Variants in AHCYL2 observed in about 807,000 individuals in gnomAD.
AHCYL2 encodes the protein adenosylhomocysteinase like 2.
A neutral mutation model predicts 81.4 loss-of-function variants in AHCYL2; 28 were observed. The ratio of observed to expected loss-of-function variants is 0.34; its 90% confidence interval spans 0.25 to 0.47. AHCYL2 has a LOEUF of 0.47. Ranked by LOEUF, AHCYL2 falls within the 20% of genes least tolerant of loss-of-function variation. AHCYL2 has a pLI of 1.00. For synonymous variants in AHCYL2, 272 were observed against 290.2 expected, an observed-to-expected ratio of 0.94 and a Z score of 0.64; for missense variants, 551 against 785.1, an observed-to-expected ratio of 0.70 and a Z score of 3.56.
At chr7:129,274,422 A>T (rs1796125814) in intron 1 of AHCYL2, among the ~76,000 whole-genome samples, 1 of 152,210 alleles carries the variant, frequency 6.6e-6, no homozygotes, top group South Asian at 2.1e-4. Flanking sequence ...AGGTCTTAGA[A>T]GAGGGTGAGT....
At chr7:129,299,386 T>G (rs1433552964) in intron 1 of AHCYL2, among the ~76,000 whole-genome samples, 7 of 44,866 alleles carry the variant, frequency 1.6e-4, no homozygotes, top group South Asian at 9.5e-4. Context: ...TTTTTTTTTT[T>G]TTTTTTTTTT....
At chr7:129,299,375 T>TTTTTTTG (rs1797174498) in intron 1 of AHCYL2, among the ~76,000 whole-genome samples, 1 of 20,104 alleles carries the variant, frequency 5.0e-5, no homozygotes, top group East Asian at 9.3e-4. Context: ...ACTTGTTTTT[T>TTTTTTTG]TTTTTTTTTT....
intron 1 of AHCYL2, among the ~76,000 whole-genome samples, chr7:129,251,807 T>C (rs1795259229): frequency 6.6e-6 from 1 of 152,230 alleles, no homozygotes; most frequent in Admixed American, 6.5e-5. Flanking sequence ...TTATTTCCAG[T>C]TCAAATACGT....
intron 12 of AHCYL2, among the ~76,000 whole-genome samples, chr7:129,414,193 T>C (rs907552263): frequency 3.9e-5 from 6 of 152,194 alleles, no homozygotes; most frequent in Admixed American, 6.5e-5. Flanking sequence ...ATCCCTCTCT[T>C]TTATTGGGCG....
At chr7:129,225,834 G>A (rs752154784) in intron 1 of AHCYL2, among the ~76,000 whole-genome samples, 1 of 152,168 alleles carries the variant, frequency 6.6e-6, no homozygotes, top group African/African-American at 2.4e-5. Flanking sequence ...ACAGCAATAA[G>A]GATGAAAAGA....
rs1375511523 is a variant in AHCYL2, at chr7:129,429,178, G to C, written c.*2133G>C. 18 of 152,172 alleles carry C rather than the reference G, an allele frequency of 1.2e-4. No individual in the cohort carries two copies. The highest frequency in any genetic ancestry group is 1.2e-3 in the Admixed American group (18 of 15,274). 9.4% of individuals were successfully genotyped at this position (152,172 alleles called of 1,614,324 possible). A position where few individuals can be genotyped will look rare whatever the true frequency, so the allele number is the denominator to read the frequency against. On this transcript the variant is annotated 3_prime_UTR_variant, in exon 17 of 17. Coordinates refer to ENST00000325006, the MANE Select transcript of AHCYL2 (RefSeq NM_015328.4). ...CTCCAAATAAAAAAGGGGCCACACG[G>C]GGCTTCTAAGTTAGGTTGCCAGTGT...
intron 5 of AHCYL2, 52 bp from the exon 6 acceptor site, chr7:129,400,238 G>C (rs866617749): frequency 2.0e-5 from 30 of 1,514,578 alleles, no homozygotes; most frequent in Admixed American, 1.2e-4. Context: ...AAAATTAGGG[G>C]GTCAGCCTTT....
chr7:129,241,947 A>G (rs1440725117), intron 1 of AHCYL2, among the ~76,000 whole-genome samples: 1 of 151,950 alleles, frequency 6.6e-6, no homozygotes, highest in Non-Finnish European at 1.5e-5. Flanking sequence ...TCCTTCCCAT[A>G]AGGCCCACAA....
chr7:129,245,966 C>T (rs1795040841), intron 1 of AHCYL2, among the ~76,000 whole-genome samples: 1 of 152,186 alleles, frequency 6.6e-6, no homozygotes, highest in Non-Finnish European at 1.5e-5. Flanking sequence ...ACATTTCTAT[C>T]ATCAGTGTAC....
chr7:129,416,217 T>A (rs544869447), intron 12 of AHCYL2, among the ~76,000 whole-genome samples: 37 of 152,268 alleles, frequency 2.4e-4, no homozygotes, highest in African/African-American at 8.7e-4. Context: ...AGTAACCTCC[T>A]AGGATAAAGA....
In AHCYL2 at chr7:129,352,479, A is replaced by G. The variant is rs545054230; in HGVS notation, c.364-27159A>G. 6.5e-4 allele frequency among the ~76,000 whole-genome samples: 99 copies of G among 152,296 alleles called. 3 individuals carry two copies. In the South Asian group the frequency reaches 0.02, roughly 31 times the overall value. On this transcript the variant is annotated intron_variant, in intron 1 of 16. Coordinates refer to ENST00000325006, the MANE Select transcript of AHCYL2 (RefSeq NM_015328.4). ...AAATGTTTCATATTCTAAATTTAAC[A>G]TGTCCACAATGGAATTTTTTATTTC...
At chr7:129,273,934 C>G (rs962457016) in intron 1 of AHCYL2, among the ~76,000 whole-genome samples, 7 of 152,148 alleles carry the variant, frequency 4.6e-5, no homozygotes, top group African/African-American at 1.7e-4. Flanking sequence ...GATTTCCAAT[C>G]ATCTATAGGC....
intron 1 of AHCYL2, among the ~76,000 whole-genome samples, chr7:129,311,839 A>G (rs1250540054): frequency 6.6e-6 from 1 of 152,188 alleles, no homozygotes; most frequent in Non-Finnish European, 1.5e-5. Flanking sequence ...AACCTATGTC[A>G]GATCATGTCA....
At chr7:129,408,492 T>G (rs1796406973) in intron 10 of AHCYL2, among the ~76,000 whole-genome samples, 1 of 152,148 alleles carries the variant, frequency 6.6e-6, no homozygotes, top group Non-Finnish European at 1.5e-5. Context: ...TTGATCAAGA[T>G]AGAAAATATA....
In AHCYL2 at chr7:129,287,692, G is replaced by C. The variant is rs140947385; in HGVS notation, c.363+62253G>C. Among the ~76,000 whole-genome samples the C allele has an allele frequency of 4.1e-4, 63 of 152,278 alleles. No individual in the cohort carries two copies. In the East Asian group the frequency reaches 0.012, roughly 29 times the overall value. On this transcript the variant is annotated intron_variant, in intron 1 of 16. Transcript: ENST00000325006. ...TGGATTTGAAAGTCAGATGCTGAGAGGTCATCTAATCCAACCCTTAAGCTT... is the reference window on the plus strand; with the variant it reads ...TGGATTTGAAAGTCAGATGCTGAGACGTCATCTAATCCAACCCTTAAGCTT...
chr7:129,405,693 C>A, intron 8 of AHCYL2, 143 bp from the exon 9 acceptor site: 2 of 638,816 alleles, frequency 3.1e-6, no homozygotes, highest in Non-Finnish European at 5.1e-6. Flanking sequence ...ACCAGAAAAC[C>A]CCTTTAAAAA....
chr7:129,342,960 G>A (rs1793238014), intron 1 of AHCYL2, among the ~76,000 whole-genome samples: 1 of 152,010 alleles, frequency 6.6e-6, no homozygotes, highest in African/African-American at 2.4e-5. Context: ...TTAATTATGT[G>A]AAATCTTTTC....
At chr7:129,322,129 G>A (rs189277447) in intron 1 of AHCYL2, among the ~76,000 whole-genome samples, 7 of 144,356 alleles carry the variant, frequency 4.8e-5, no homozygotes, top group Admixed American at 2.1e-4. Flanking sequence ...GTGTGTGTGT[G>A]TATAGGAAGG....
intron 1 of AHCYL2, among the ~76,000 whole-genome samples, chr7:129,363,876 C>A (rs1454084186): frequency 6.6e-6 from 1 of 151,738 alleles, no homozygotes; most frequent in Non-Finnish European, 1.5e-5. Flanking sequence ...AAGTCATTTT[C>A]TTCTGTGGTT....
Sources: allele counts gnomAD v4.1 joint callset (sites outside exome capture counted in the v4.1 genomes callset), GRCh38; gene constraint gnomAD v4.1.1; transcripts MANE v1.5; gene names NCBI Gene and HGNC (gene_info 2026-07-23, HGNC 2026-07-21).